PPARGC1B: variants seen among roughly 807,000 people sequenced by gnomAD.
PPARGC1B encodes the protein peroxisome proliferator-activated receptor gamma coactivator 1-beta.
PPARGC1B carries 34 observed loss-of-function variants against 101.6 expected under a neutral mutation model. That is an observed-to-expected ratio of 0.33 (90% CI 0.25 to 0.45). PPARGC1B has a LOEUF of 0.45. PPARGC1B is among the 20% of genes least tolerant of loss of function. The pLI is 1.00. For missense variants in PPARGC1B, 1,234 were observed against 1,317.6 expected (o/e 0.94, Z 0.98); for synonymous variants, 548 against 539.3 (o/e 1.02, Z -0.22).
chr5:149,846,171 A>C, intron 11 of PPARGC1B: 1 of 590,702 alleles, frequency 1.7e-6, no homozygotes, highest in Non-Finnish European at 3.0e-6. Flanking sequence ...CTCTAGGAAG[A>C]TTCAGTCATG....
intron 1 of PPARGC1B, among the ~76,000 whole-genome samples, chr5:149,756,850 G>A (rs893794422): frequency 3.3e-5 from 5 of 152,108 alleles, no homozygotes; most frequent in Non-Finnish European, 7.3e-5. Context: ...TATGTGTCTT[G>A]TTCACTGTCC....
At chr5:149,772,157 GGTT>G (rs1353118316) in intron 1 of PPARGC1B, 1 of 1,607,690 alleles carries the variant, frequency 6.2e-7, no homozygotes, top group Middle Eastern at 1.6e-4. Flanking sequence ...TTGGGCCAGA[GGTT>G]GTTTAGGTGG....
chr5:149,835,189 G>T, intron 6 of PPARGC1B, 112 bp from the exon 7 acceptor site: 1 of 928,588 alleles, frequency 1.1e-6, no homozygotes, highest in Non-Finnish European at 1.8e-6. Context: ...ATTTCCATGG[G>T]CAGTGGAACC....
At position 149,853,996 on chromosome 5, in the gene PPARGC1B, A is replaced by C. The variant is rs919373037; in HGVS notation, c.*6438A>C. On this transcript the variant is annotated 3_prime_UTR_variant, in exon 12 of 12. Transcript: ENST00000309241. This position sits in a 1 kb window ranked among gnomAD's most constrained non-coding sequence, Gnocchi z 4.2. ...GAGGCAGCTGCTAATGTTGAAACCA[A>C]CACGAGCCCTCTCCCCAACCCCAGG... 8 of 152,284 alleles carry C rather than the reference A, an allele frequency of 5.3e-5. No homozygotes were observed. The highest frequency in any genetic ancestry group is 1.9e-4 in the African/African-American group (8 of 41,558). 9.4% of individuals were successfully genotyped at this position (152,284 alleles called of 1,614,324 possible).
chr5:149,772,750 A>C (rs988976314), intron 1 of PPARGC1B, among the ~76,000 whole-genome samples: 2 of 152,250 alleles, frequency 1.3e-5, no homozygotes, highest in African/African-American at 4.8e-5. Flanking sequence ...ATTTTGAGGT[A>C]GTGGGTTTAG....
rs1757704604 is a variant in PPARGC1B at position 149,809,095 on chromosome 5, G to A, written c.79-11338G>A. 3.3e-5 allele frequency among the ~76,000 whole-genome samples: 5 copies of A among 151,570 alleles called. No homozygotes were observed. In the South Asian group the frequency reaches 1.0e-3, roughly 32 times the overall value. ...GTTTGAGACCGGCCTGGACAACACA[G>A]AAAGACCCCTATCTCCACCTTAGAT... is the stretch of plus-strand genomic sequence containing the variant. On this transcript the variant is annotated intron_variant, in intron 1 of 11. Transcript: ENST00000309241.
chr5:149,771,357 A>G (rs917962077), intron 1 of PPARGC1B, among the ~76,000 whole-genome samples: 9 of 152,154 alleles, frequency 5.9e-5, no homozygotes, highest in Non-Finnish European at 1.0e-4. Context: ...TGGGGTCCCA[A>G]AGGCATCTGC....
At chr5:149,767,566 C>T (rs886321103) in intron 1 of PPARGC1B, among the ~76,000 whole-genome samples, 2 of 152,136 alleles carry the variant, frequency 1.3e-5, no homozygotes, top group African/African-American at 2.4e-5. Context: ...TAGGTAACAA[C>T]CCTAGAAATC....
At chr5:149,830,030 C>CAAAAAAAA (rs60711433) in intron 3 of PPARGC1B, among the ~76,000 whole-genome samples, 16 of 34,232 alleles carry the variant, frequency 4.7e-4, no homozygotes, top group East Asian at 1.4e-3. Flanking sequence ...GACTGCATCT[C>CAAAAAAAA]AAAAAAAAAA....
At chr5:149,768,520 T>C (rs1756002558) in intron 1 of PPARGC1B, among the ~76,000 whole-genome samples, 1 of 147,368 alleles carries the variant, frequency 6.8e-6, no homozygotes, top group Non-Finnish European at 1.5e-5. Context: ...CTCGGCTCAC[T>C]GCAACCTCCG....
At chr5:149,785,654 T>C (rs936975541) in intron 1 of PPARGC1B, among the ~76,000 whole-genome samples, 1 of 152,246 alleles carries the variant, frequency 6.6e-6, no homozygotes, top group Non-Finnish European at 1.5e-5. Flanking sequence ...CCGTTCTTCA[T>C]GCACAAAGAC....
chr5:149,762,437 T>C (rs1755750978), intron 1 of PPARGC1B, among the ~76,000 whole-genome samples: 1 of 152,114 alleles, frequency 6.6e-6, no homozygotes, highest in Admixed American at 6.5e-5. Context: ...CATGAACCAC[T>C]GTGCCAGGCC....
chr5:149,795,172 T>G (rs906156689), intron 1 of PPARGC1B, among the ~76,000 whole-genome samples: 17 of 152,258 alleles, frequency 1.1e-4, no homozygotes, highest in Non-Finnish European at 2.4e-4. Context: ...AATGAAAAGG[T>G]TTTTGTTCTT....
At chr5:149,800,730 G>A (rs1158429773) in intron 1 of PPARGC1B, among the ~76,000 whole-genome samples, 1 of 152,230 alleles carries the variant, frequency 6.6e-6, no homozygotes, top group Non-Finnish European at 1.5e-5. Context: ...TGCATGTTGG[G>A]TGTTTCAGGA....
At position 149,833,241 on chromosome 5, in the gene PPARGC1B, T is replaced by A. The variant is rs1245793919; in HGVS notation, c.1168T>A (p.Ser390Thr). Reference protein sequence around the residue: ...DSQASPGRPSSVEEVRIAASP... With the variant: ...DSQASPGRPSTVEEVRIAASP... ...TCAGGCCTCCCCTGGTCGCCCGTCCTCGGTGGAGGAGGTAAGGATCGCAGC... is the reference window on the plus strand; with the variant it reads ...TCAGGCCTCCCCTGGTCGCCCGTCCACGGTGGAGGAGGTAAGGATCGCAGC... Residue 390 changes from serine (S) to threonine (T), a missense_variant, in exon 5 of 12, where the codon TCG (serine) becomes ACG (threonine). Around this residue, in one of 3 missense-constraint regions of PPARGC1B, gnomAD observed 734 missense variants for 768.4 expected, o/e 0.96. Coordinates refer to ENST00000309241, the MANE Select transcript of PPARGC1B (RefSeq NM_133263.4). This position sits in a 1 kb window ranked among gnomAD's most constrained non-coding sequence, Gnocchi z 4.1. 5.0e-6 allele frequency: 8 copies of A among 1,613,256 alleles called. No individual in the cohort carries two copies. The highest frequency in any genetic ancestry group is 6.8e-6 in the Non-Finnish European group (8 of 1,179,982).
chr5:149,847,398 G>A (rs538342247), intron 11 of PPARGC1B, 60 bp from the exon 12 acceptor site: 91 of 1,253,910 alleles, frequency 7.3e-5, no homozygotes, highest in Non-Finnish European at 9.5e-5. Flanking sequence ...TCAACCATCC[G>A]GTCTTTGTAA....
intron 1 of PPARGC1B, among the ~76,000 whole-genome samples, chr5:149,811,355 A>G (rs1757852565): frequency 6.6e-6 from 1 of 152,174 alleles, no homozygotes. Context: ...ATGAAATTTG[A>G]TGGCAGTGTT....
chr5:149,829,127 A>G (rs1367807796), intron 3 of PPARGC1B, among the ~76,000 whole-genome samples: 1 of 152,154 alleles, frequency 6.6e-6, no homozygotes, highest in Non-Finnish European at 1.5e-5. Context: ...TGGATCCCAG[A>G]GAGTCCAGCG....
intron 1 of PPARGC1B, chr5:149,732,875 T>G (rs1289345241): frequency 4.2e-6 from 2 of 470,632 alleles, no homozygotes; most frequent in East Asian, 1.4e-4. Context: ...GCACTGGACT[T>G]GGAGTCAGAA....
Sources: allele counts gnomAD v4.1 joint callset (sites outside exome capture counted in the v4.1 genomes callset), GRCh38; gene constraint gnomAD v4.1.1; regional missense constraint gnomAD v4.1.1; non-coding constraint Gnocchi (gnomAD v3.1); transcripts MANE v1.5; gene names NCBI Gene and HGNC (gene_info 2026-07-23, HGNC 2026-07-21).